The following MTFP1 variants were observed in gnomAD, a reference collection of about 807,000 sequenced individuals.
The protein encoded by MTFP1 is mitochondrial fission process 1, also known as mitochondrial fission process protein 1.
Under a neutral mutation model 17.1 loss-of-function variants are expected in MTFP1, and 19 were observed. The ratio of observed to expected loss-of-function variants is 1.11; its 90% CI spans 0.77 to 1.63. MTFP1 has a LOEUF of 1.63. MTFP1 is among the 40% of genes most tolerant of loss of function. The pLI is 0.00. For missense variants in MTFP1, 221 were observed against 226.2 expected, an observed-to-expected ratio of 0.98 and a Z score of 0.15; for synonymous variants, 89 against 95.2, an observed-to-expected ratio of 0.93 and a Z score of 0.38.
Position 30,428,796 on chromosome 22 carries a change from G to A in MTFP1, c.*262G>A. Reference sequence around the variant, plus strand: ...GTGGACCCTGGGTGGGCCCGGCCCTGTCTTTTTCAGGAAAATTACATCCTC... The same window carrying A: ...GTGGACCCTGGGTGGGCCCGGCCCTATCTTTTTCAGGAAAATTACATCCTC... On this transcript the variant is annotated 3_prime_UTR_variant, in exon 4 of 4. Transcript: ENST00000266263. 2.3e-6 allele frequency: 2 copies of A among 873,554 alleles called. No homozygotes were observed. The highest frequency in any genetic ancestry group is 1.6e-5 in the South Asian group (1 of 62,000). 54.1% of individuals were successfully genotyped at this position (873,554 alleles called of 1,614,324 possible). A position where few individuals can be genotyped will look rare whatever the true frequency, so the allele number is the denominator to read the frequency against.
Position 30,428,483 on chromosome 22 carries a change from C to T in MTFP1, c.450C>T (p.Asp150=). 6.2e-7 allele frequency: 1 copy of T among 1,614,186 alleles called. No homozygotes were observed. The highest frequency in any genetic ancestry group is 8.5e-7 in the Non-Finnish European group (1 of 1,180,014). Residue 150 remains aspartate, a synonymous_variant, in exon 4 of 4, where the codon GAC becomes GAT. Coordinates refer to ENST00000266263, the MANE Select transcript of MTFP1 (RefSeq NM_016498.5). ...PIDRSVDFLL[D]SSLRKLYPTV... ...ACAGGTCGGTGGATTTCCTCCTGGA[C>T]TCCAGCCTGCGCAAGCTCTACCCAA...
In MTFP1 at chr22:30,428,682, G is replaced by A; in HGVS notation, c.*148G>A. 6.2e-7 allele frequency: 1 copy of A among 1,613,826 alleles called. No homozygotes were observed. The highest frequency in any genetic ancestry group is 8.5e-7 in the Non-Finnish European group (1 of 1,179,728). On this transcript the variant is annotated 3_prime_UTR_variant, in exon 4 of 4. Transcript: ENST00000266263. ...AGCTGGACAGAAGCTTAGAGACAAA[G>A]GCTTCAAGAAGCAGTGGCTGCAGGG...
chr22:30,428,839 C>T lies in MTFP1; in HGVS notation c.*305C>T. 1 of 661,324 alleles carries T rather than the reference C, an allele frequency of 1.5e-6. No individual in the cohort carries two copies. Among genetic ancestry groups the T allele is most frequent in the Non-Finnish European group, 2.6e-6 (1 of 388,836 alleles). 41.0% of individuals were successfully genotyped at this position (661,324 alleles called of 1,614,324 possible). On this transcript the variant is annotated 3_prime_UTR_variant, in exon 4 of 4. Coordinates refer to ENST00000266263, the MANE Select transcript of MTFP1 (RefSeq NM_016498.5). ...ACATCCTCCCATGGAGGATGAGAGA[C>T]TGAGGCTCAGGGAGGGCAAGGAATA... is the stretch of plus-strand genomic sequence containing the variant.
intron 3 of MTFP1, 24 bp downstream of exon 3, chr22:30,427,427 G>A (rs780351385): frequency 1.3e-6 from 2 of 1,597,128 alleles, no homozygotes; most frequent in East Asian, 2.2e-5. Context: ...TGGCCTCAGG[G>A]ATCATCCACT....
Position 30,428,051 on chromosome 22 carries a change from G to A in MTFP1, c.429-411G>A, listed in dbSNP as rs556184351. On this transcript the variant is annotated intron_variant, in intron 3 of 3. Coordinates refer to ENST00000266263, the MANE Select transcript of MTFP1 (RefSeq NM_016498.5). Reference sequence around the variant, plus strand: ...AGGAAGGGTGTCATTGGTCCATTCTGGACTGCATGCCCACCCTATGAGCCA... The same window carrying A: ...AGGAAGGGTGTCATTGGTCCATTCTAGACTGCATGCCCACCCTATGAGCCA... 2.0e-5 allele frequency among the ~76,000 whole-genome samples: 3 copies of A among 152,292 alleles called. No homozygotes were observed. In the South Asian group the frequency reaches 6.2e-4, roughly 32 times the overall value.
chr22:30,427,624 C>T (rs1208005047), intron 3 of MTFP1, among the ~76,000 whole-genome samples: 3 of 152,112 alleles, frequency 2.0e-5, no homozygotes, highest in South Asian at 2.1e-4. Flanking sequence ...AAGAGGGGTG[C>T]GTTGAGGGTA....
At position 30,427,489 on chromosome 22, in the gene MTFP1, G is replaced by T. The variant is rs564712582; in HGVS notation, c.428+86G>T. On this transcript the variant is annotated intron_variant, in intron 3 of 3. Coordinates refer to ENST00000266263, the MANE Select transcript of MTFP1 (RefSeq NM_016498.5). ...GTCTCCAGGTAGAGCTAGACTCTGTGAAGTGTGGGGTATGCCCACTTTGCT... is the reference window on the plus strand; with the variant it reads ...GTCTCCAGGTAGAGCTAGACTCTGTTAAGTGTGGGGTATGCCCACTTTGCT... 2.4e-5 allele frequency: 34 copies of T among 1,411,286 alleles called. No individual in the cohort carries two copies. The African/African-American group carries it at 4.6e-4, about 19-fold the overall frequency. The allele number at this position is 1,411,286 out of a possible 1,614,324, so 87.4% of individuals were successfully genotyped here. A position where few individuals can be genotyped will look rare whatever the true frequency, so the allele number is the denominator to read the frequency against.
Position 30,425,861 on chromosome 22 carries a change from G to T in MTFP1, c.-19G>T, listed in dbSNP as rs912679255. The stretch of plus-strand genomic sequence containing the variant: ...GAGCCAGTACCGGCTGTAGTGGCCG[G>T]GGCCGTGGCGGGAGAGTCATGTCAG... On this transcript the variant is annotated 5_prime_UTR_variant, in exon 1 of 4. Transcript: ENST00000266263. The T allele has an allele frequency of 6.5e-7, 1 of 1,532,224 alleles. No homozygotes were observed. The allele number at this position is 1,532,224 out of a possible 1,614,324, so 94.9% of individuals were successfully genotyped here.
intron 1 of MTFP1, 31 bp from the exon 2 acceptor site, chr22:30,426,686 G>T (rs749024652): frequency 6.2e-7 from 1 of 1,612,208 alleles, no homozygotes; most frequent in Non-Finnish European, 8.5e-7. Context: ...GAACAGTTGC[G>T]AGCCTAGGAA....
At chr22:30,427,535 G>T in intron 3 of MTFP1, 132 bp downstream of exon 3, 1 of 958,578 alleles carries the variant, frequency 1.0e-6, no homozygotes. Flanking sequence ...CAGGGACAAG[G>T]CTGGCACTTG....
At position 30,427,252 on chromosome 22, in the gene MTFP1, G is replaced by A; in HGVS notation, c.277G>A (p.Val93Met). The A allele has an allele frequency of 1.2e-6, 2 of 1,614,046 alleles. No individual in the cohort carries two copies. Among genetic ancestry groups the A allele is most frequent in the Non-Finnish European group, 1.7e-6 (2 of 1,180,042 alleles). ...CTTTGTATGGCAGGCTCTAGCCTCT[G>A]TGGCCATTCCGGGCTTCACCATCAA... ...DTFVWQALAS[V>M]AIPGFTINRV... Residue 93 changes from valine (V) to methionine (M), a missense_variant, in exon 3 of 4, where the codon GTG (valine) becomes ATG (methionine). Val to Met is a conservative substitution (Grantham distance 21, BLOSUM62 1). Coordinates refer to ENST00000266263, the MANE Select transcript of MTFP1 (RefSeq NM_016498.5).
At chr22:30,426,879 A>C in intron 2 of MTFP1, 35 bp downstream of exon 2, 1 of 1,602,722 alleles carries the variant, frequency 6.2e-7, no homozygotes, top group Non-Finnish European at 8.5e-7. Context: ...CCCCAACCCT[A>C]GCTCTCTTCT....
In MTFP1 at chr22:30,426,854, A is replaced by T; in HGVS notation, c.195+10A>T. 6.2e-7 allele frequency: 1 copy of T among 1,607,630 alleles called. No individual in the cohort carries two copies. The highest frequency in any genetic ancestry group is 8.5e-7 in the Non-Finnish European group (1 of 1,179,738). On this transcript the variant is annotated intron_variant, in intron 2 of 3. Coordinates refer to ENST00000266263, the MANE Select transcript of MTFP1 (RefSeq NM_016498.5). Reference sequence around the variant, plus strand: ...CAAGAAGGCTGGAGAGGTGAGTGTTAGCCTATTTTCCAACCCCCAACCCTA... The same window carrying T: ...CAAGAAGGCTGGAGAGGTGAGTGTTTGCCTATTTTCCAACCCCCAACCCTA...
chr22:30,426,020 C>T, intron 1 of MTFP1, 74 bp downstream of exon 1: 2 of 1,344,390 alleles, frequency 1.5e-6, no homozygotes, highest in South Asian at 1.5e-5. Flanking sequence ...GGACGCCCGC[C>T]CGGGGCCTGG....
At position 30,426,731 on chromosome 22, in the gene MTFP1, G is replaced by T; in HGVS notation, c.82G>T (p.Val28Leu). The T allele has an allele frequency of 6.2e-7, 1 of 1,614,082 alleles. No individual in the cohort carries two copies. The highest frequency in any genetic ancestry group is 8.5e-7 in the Non-Finnish European group (1 of 1,179,990). ...WVRYLGYANE[V>L]GEAFRSLVPA... ...CCCTCCCCCAGGCTATGCCAATGAG[G>T]TGGGCGAGGCTTTCCGCTCTCTTGT... Residue 28 changes from valine to leucine, a missense_variant, in exon 2 of 4, where the codon GTG becomes TTG. Physicochemically the swap from Val to Leu is conservative, Grantham distance 32 (BLOSUM62 1). Transcript: ENST00000266263.
rs1934655791 is a variant in MTFP1, at chr22:30,425,805, G to C, written c.-75G>C. Reference sequence around the variant, plus strand: ...ACTTTCGGCGGGTCCCGGCCGGGCAGACCCAAGTGCCGGCGGCGGAGACTG... The same window carrying C: ...ACTTTCGGCGGGTCCCGGCCGGGCACACCCAAGTGCCGGCGGCGGAGACTG... On this transcript the variant is annotated 5_prime_UTR_variant, in exon 1 of 4. Coordinates refer to ENST00000266263, the MANE Select transcript of MTFP1 (RefSeq NM_016498.5). 1 of 1,434,062 alleles carries C rather than the reference G, an allele frequency of 7.0e-7. No homozygotes were observed. The highest frequency in any genetic ancestry group is 1.4e-5 in the South Asian group (1 of 73,860). The allele number at this position is 1,434,062 out of a possible 1,614,324, so 88.8% of individuals were successfully genotyped here.
At chr22:30,426,885 C>T (rs1934680222) in intron 2 of MTFP1, 41 bp downstream of exon 2, 1 of 1,601,490 alleles carries the variant, frequency 6.2e-7, no homozygotes, top group African/African-American at 1.3e-5. Context: ...CCCTAGCTCT[C>T]TTCTTGTGTG....
rs45513091 is a variant in MTFP1 at position 30,428,707 on chromosome 22, G to C, written c.*173G>C. 6.3e-7 allele frequency: 1 copy of C among 1,597,398 alleles called. No individual in the cohort carries two copies. The highest frequency in any genetic ancestry group is 1.3e-5 in the African/African-American group (1 of 74,612). On this transcript the variant is annotated 3_prime_UTR_variant, in exon 4 of 4. Transcript: ENST00000266263. ...GGCTTCAAGAAGCAGTGGCTGCAGG[G>C]AGTCACAGAAGGGCAGGACCTGAAC...
chr22:30,426,053 C>T (rs1934662273), intron 1 of MTFP1, 107 bp downstream of exon 1: 2 of 1,100,236 alleles, frequency 1.8e-6, no homozygotes, highest in Non-Finnish European at 2.5e-6. Flanking sequence ...GATCTTAGTT[C>T]TCATTCTGCT....
Sources: gnomAD v4.1 joint callset for allele counts (sites outside exome capture counted in the v4.1 genomes callset) on GRCh38, gnomAD v4.1.1 for gene constraint, MANE v1.5 for transcripts, NCBI Gene and HGNC (gene_info 2026-07-23, HGNC 2026-07-21) for gene names.